Variants in NLGN4X observed in about 807,000 individuals in gnomAD.
The protein encoded by NLGN4X is neuroligin 4 X-linked, also known as neuroligin-4, X-linked.
A neutral mutation model predicts 40.3 loss-of-function variants in NLGN4X; 3 were observed. The observed-to-expected ratio is 0.07, with a 90% CI of 0.03 to 0.19. The LOEUF (loss-of-function observed/expected upper bound fraction) is 0.19. Ranked by LOEUF, NLGN4X falls within the 10% of genes least tolerant of loss-of-function variation. The probability of loss-of-function intolerance (pLI) is 1.00; values close to 1 mark genes in which losing one functional copy is unlikely to be tolerated. For missense variants in NLGN4X, 382 were observed against 708.3 expected (o/e 0.54, Z 5.23); for synonymous variants, 270 against 306.8 (o/e 0.88, Z 1.25).
intron 2 of NLGN4X, among the ~76,000 whole-genome samples, chrX:6,125,271 T>C (rs1259651260): frequency 3.6e-5 from 4 of 110,829 alleles, no homozygotes; most frequent in African/African-American, 6.6e-5. Flanking sequence ...AATCTGAAAA[T>C]AGGAAATGAT....
At chrX:6,082,778 AG>A (rs1212777474) in intron 2 of NLGN4X, among the ~76,000 whole-genome samples, 1 of 108,753 alleles carries the variant, frequency 9.2e-6, no homozygotes, top group Non-Finnish European at 1.9e-5. Flanking sequence ...GGGTGTGCTG[AG>A]GGAACTGTGA....
rs2035319387 is a variant in NLGN4X, at chrX:5,979,749, T to TATATATGTGTATATATACACACATAC, written c.625+49505_625+49530dup. ...ATGTGTGTATATATACACACATACA[T>TATATATGTGTATATATACACACATAC]ATATATGTGTATATATACACACATA... On this transcript the variant is annotated intron_variant, in intron 3 of 5. Coordinates refer to ENST00000381095, the MANE Select transcript of NLGN4X (RefSeq NM_181332.3). 2.0e-5 allele frequency among the ~76,000 whole-genome samples: 2 copies of TATATATGTGTATATATACACACATAC among 100,192 alleles called. 1 individual carries two copies. Among genetic ancestry groups the TATATATGTGTATATATACACACATAC allele is most frequent in the Admixed American group, 2.2e-4 (2 of 9,238 alleles). 87.0% of individuals were successfully genotyped at this position (100,192 alleles called of 115,157 possible). A position where few individuals can be genotyped will look rare whatever the true frequency, so the allele number is the denominator to read the frequency against.
At chrX:6,218,508 A>C (rs1021233624) in intron 1 of NLGN4X, among the ~76,000 whole-genome samples, 8 of 109,552 alleles carry the variant, frequency 7.3e-5, no homozygotes, top group Non-Finnish European at 1.1e-4. Context: ...ACACACACAC[A>C]CCAGAAGAAA....
At chrX:5,938,038 A>C (rs141436468) in intron 3 of NLGN4X, among the ~76,000 whole-genome samples, 405 of 111,741 alleles carry the variant, frequency 3.6e-3, no homozygotes, top group Middle Eastern at 0.019. Context: ...TCAGATTTGT[A>C]ATTGGGTAGG....
At chrX:5,954,356 TGGGACTACAGGCA>T (rs1262623236) in intron 3 of NLGN4X, among the ~76,000 whole-genome samples, 1 of 105,499 alleles carries the variant, frequency 9.5e-6, no homozygotes, top group African/African-American at 3.5e-5. Flanking sequence ...CTCAAGTAGC[TGGGACTACAGGCA>T]GGCACCAGCA....
intron 2 of NLGN4X, among the ~76,000 whole-genome samples, chrX:6,082,948 G>GATTTTTTTTTT (rs2038390927): frequency 1.4e-5 from 1 of 70,377 alleles, no homozygotes; most frequent in Non-Finnish European, 2.9e-5. Flanking sequence ...GCCATGATGC[G>GATTTTTTTTTT]TTTTTTTCTT....
chrX:6,031,073 T>C (rs769421291), intron 2 of NLGN4X, among the ~76,000 whole-genome samples: 2 of 112,171 alleles, frequency 1.8e-5, no homozygotes, highest in Non-Finnish European at 3.8e-5. Flanking sequence ...AACCAGCTGT[T>C]ATATTAATGC....
chrX:6,092,154 A>G lies in NLGN4X; in HGVS notation c.472+58841T>C, dbSNP rs149804133. Reference sequence around the variant, plus strand: ...AAACAATTACCTCCTGATAAGATGCACTTGCTAGTGAACTTCTGGGCACAA... The same window carrying G: ...AAACAATTACCTCCTGATAAGATGCGCTTGCTAGTGAACTTCTGGGCACAA... On this transcript the variant is annotated intron_variant, in intron 2 of 5. Coordinates refer to ENST00000381095, the MANE Select transcript of NLGN4X (RefSeq NM_181332.3). Among the ~76,000 whole-genome samples, 813 of 111,493 alleles carry G rather than the reference A, an allele frequency of 7.3e-3. 25 individuals are homozygous for G. Among genetic ancestry groups the G allele is most frequent in the Admixed American group, 0.064 (667 of 10,419 alleles).
chrX:6,110,217 T>C (rs1013713234), intron 2 of NLGN4X, among the ~76,000 whole-genome samples: 2 of 111,743 alleles, frequency 1.8e-5, no homozygotes, highest in Non-Finnish European at 3.8e-5. Flanking sequence ...GAAACTTTGC[T>C]CACAGGTACA....
intron 2 of NLGN4X, among the ~76,000 whole-genome samples, chrX:6,142,452 T>A (rs1023033788): frequency 8.9e-6 from 1 of 112,525 alleles, no homozygotes; most frequent in African/African-American, 3.2e-5. Flanking sequence ...CTTTATTTAA[T>A]AATCTTTCAT....
intron 3 of NLGN4X, among the ~76,000 whole-genome samples, chrX:6,017,664 A>G (rs1319815606): frequency 1.8e-5 from 2 of 112,035 alleles, no homozygotes; most frequent in East Asian, 5.6e-4. Flanking sequence ...ATATTCAGTC[A>G]GTAGAAATCA....
chrX:6,006,937 C>A (rs898170033), intron 3 of NLGN4X, among the ~76,000 whole-genome samples: 15 of 110,756 alleles, frequency 1.4e-4, no homozygotes, highest in African/African-American at 4.9e-4. Context: ...CCCAGCAATC[C>A]CACTTGTGGG....
Position 5,891,097 on chromosome X carries a change from A to T in NLGN4X, c.*1720T>A. 3.6e-6 allele frequency: 1 copy of T among 276,798 alleles called. No individual in the cohort carries two copies. The highest frequency in any genetic ancestry group is 6.7e-6 in the Non-Finnish European group (1 of 149,008). The allele number at this position is 276,798 out of a possible 1,213,427, so 22.8% of individuals were successfully genotyped here. A position where few individuals can be genotyped will look rare whatever the true frequency, so the allele number is the denominator to read the frequency against. Reference sequence around the variant, plus strand: ...TTTCAAAAAAGTATCCATTGCTACTATGTTTCCTTCCACCTTATAACACTC... The same window carrying T: ...TTTCAAAAAAGTATCCATTGCTACTTTGTTTCCTTCCACCTTATAACACTC... On this transcript the variant is annotated 3_prime_UTR_variant, in exon 6 of 6. Coordinates refer to ENST00000381095, the MANE Select transcript of NLGN4X (RefSeq NM_181332.3).
chrX:5,965,325 T>C (rs1293100300), intron 3 of NLGN4X, among the ~76,000 whole-genome samples: 1 of 111,868 alleles, frequency 8.9e-6, no homozygotes, highest in Non-Finnish European at 1.9e-5. Context: ...CGGGTGCAGG[T>C]AAATTACTTG....
Position 5,891,926 on chromosome X carries a change from T to C in NLGN4X, c.*891A>G. ...TCTTCTGTGGGACATCACATCCTCC[T>C]ACAAATGAGAATCTCATGTAAGAAA... On this transcript the variant is annotated 3_prime_UTR_variant, in exon 6 of 6. Coordinates refer to ENST00000381095, the MANE Select transcript of NLGN4X (RefSeq NM_181332.3). 1 of 146,549 alleles carries C rather than the reference T, an allele frequency of 6.8e-6. No individual in the cohort carries two copies. Among genetic ancestry groups the C allele is most frequent in the Non-Finnish European group, 1.3e-5 (1 of 75,920 alleles). 12.1% of individuals were successfully genotyped at this position (146,549 alleles called of 1,213,427 possible). A position where few individuals can be genotyped will look rare whatever the true frequency, so the allele number is the denominator to read the frequency against.
chrX:5,936,572 G>A (rs1405926284), intron 3 of NLGN4X, among the ~76,000 whole-genome samples: 1 of 111,743 alleles, frequency 8.9e-6, no homozygotes, highest in Non-Finnish European at 1.9e-5. Context: ...ATGAACACGT[G>A]GGAGTTGTTT....
intron 3 of NLGN4X, among the ~76,000 whole-genome samples, chrX:5,955,190 T>G (rs753668110): frequency 8.9e-6 from 1 of 111,801 alleles, no homozygotes; most frequent in South Asian, 3.7e-4. Flanking sequence ...AATATCCGGA[T>G]GGTGGAACAG....
chrX:6,210,196 G>A (rs1161901709), intron 1 of NLGN4X, among the ~76,000 whole-genome samples: 1 of 110,442 alleles, frequency 9.1e-6, no homozygotes, highest in Non-Finnish European at 1.9e-5. Flanking sequence ...GGTTGGCAAA[G>A]AGGAAAAAAT....
intron 2 of NLGN4X, among the ~76,000 whole-genome samples, chrX:6,121,571 G>A (rs1184846218): frequency 8.9e-6 from 1 of 112,289 alleles, no homozygotes; most frequent in African/African-American, 3.2e-5. Context: ...ATTCCTTTGT[G>A]TGTGTGTCTG....
Sources: allele counts gnomAD v4.1 joint callset (sites outside exome capture counted in the v4.1 genomes callset), GRCh38; gene constraint gnomAD v4.1.1; transcripts MANE v1.5; gene names NCBI Gene and HGNC (gene_info 2026-07-23, HGNC 2026-07-21).